SUGCT: variants seen among roughly 807,000 people sequenced by gnomAD.
The protein encoded by SUGCT is succinyl-CoA:glutarate CoA-transferase.
A neutral mutation model predicts 55.0 loss-of-function variants in SUGCT; 41 were observed. That is an observed-to-expected ratio of 0.74 (90% CI 0.58 to 0.97). The LOEUF (loss-of-function observed/expected upper bound fraction) is 0.97, where lower values mean the gene tolerates loss of function less well. Among genes scored for constraint, SUGCT ranks in the 50% least tolerant of loss-of-function variants. The probability of loss-of-function intolerance (pLI) is 0.00; values close to 1 mark genes in which losing one functional copy is unlikely to be tolerated. For synonymous variants in SUGCT, 187 were observed against 200.4 expected (o/e 0.93, Z 0.56); for missense variants, 568 against 547.8 (o/e 1.04, Z -0.37).
chr7:40,882,786 A>T, the SUGCT span, among the ~76,000 whole-genome samples: 4 of 152,340 alleles, frequency 2.6e-5, no homozygotes, highest in South Asian at 8.3e-4. Context: ...AGAGATAAAA[A>T]GTTCATCAGA....
At chr7:40,447,816 A>G (rs1788931285) in intron 9 of SUGCT, among the ~76,000 whole-genome samples, 1 of 152,086 alleles carries the variant, frequency 6.6e-6, no homozygotes, top group Admixed American at 6.6e-5. Flanking sequence ...TAAAGGGAGG[A>G]GGAAGTGAAG....
chr7:40,312,950 T>G (rs1228486072), intron 8 of SUGCT, among the ~76,000 whole-genome samples: 1 of 152,176 alleles, frequency 6.6e-6, no homozygotes, highest in Non-Finnish European at 1.5e-5. Context: ...ATTGTATTAT[T>G]GCAGCTTGAT....
In SUGCT at chr7:40,524,070, C is replaced by T. The variant is rs549806394; in HGVS notation, c.1089+27684C>T. Among the ~76,000 whole-genome samples, 21 of 151,958 alleles carry T rather than the reference C, an allele frequency of 1.4e-4. No homozygotes were observed. The Middle Eastern group carries it at 0.01, about 74-fold the overall frequency. ...TTTCTCTAGGATTTAAGCCTTCTTA[C>T]GTTTATGGTAAGGTTGGCAGTTAAA... On this transcript the variant is annotated intron_variant, in intron 12 of 13. Coordinates refer to ENST00000335693, the MANE Select transcript of SUGCT (RefSeq NM_001193313.2).
chr7:40,524,922 T>C (rs867541379), intron 12 of SUGCT, among the ~76,000 whole-genome samples: 12 of 152,302 alleles, frequency 7.9e-5, no homozygotes, highest in South Asian at 4.1e-4. Context: ...ACTTCACCCC[T>C]ACACTGTGAG....
intron 12 of SUGCT, among the ~76,000 whole-genome samples, chr7:40,652,552 A>T (rs1800825952): frequency 6.6e-6 from 1 of 152,200 alleles, no homozygotes; most frequent in Non-Finnish European, 1.5e-5. Flanking sequence ...TGGTATAGAG[A>T]CAGATGCATC....
In SUGCT at chr7:40,332,443, ATT is replaced by A. The variant is rs57902207; in HGVS notation, c.816+15598_816+15599del. On this transcript the variant is annotated intron_variant, in intron 9 of 13. Coordinates refer to ENST00000335693, the MANE Select transcript of SUGCT (RefSeq NM_001193313.2). ...GTTAGACTTTTGGAATCTGCATTGGATTTTTTTTTTTGTTTTTTTTTTTTTAC... is the reference window on the plus strand; with the variant it reads ...GTTAGACTTTTGGAATCTGCATTGGATTTTTTTTTGTTTTTTTTTTTTTAC... 3.6e-3 allele frequency among the ~76,000 whole-genome samples: 501 copies of A among 139,376 alleles called. 12 individuals are homozygous for A. In the South Asian group the frequency reaches 0.061, roughly 17 times the overall value. 91.4% of individuals were successfully genotyped at this position (139,376 alleles called of 152,430 possible).
At chr7:40,228,745 G>C (rs1328071623) in intron 6 of SUGCT, among the ~76,000 whole-genome samples, 2 of 152,064 alleles carry the variant, frequency 1.3e-5, no homozygotes, top group East Asian at 1.9e-4. Flanking sequence ...TCTCTGATCA[G>C]TTATTTGATT....
chr7:40,383,798 G>T (rs779586692), intron 9 of SUGCT, among the ~76,000 whole-genome samples: 9 of 152,168 alleles, frequency 5.9e-5, no homozygotes, highest in African/African-American at 2.2e-4. Context: ...CAAGAAGTTC[G>T]TCAGGGCATC....
At chr7:40,415,194 C>G (rs1020394887) in intron 9 of SUGCT, among the ~76,000 whole-genome samples, 1 of 144,964 alleles carries the variant, frequency 6.9e-6, no homozygotes. Flanking sequence ...CACTTGAGCC[C>G]GGGAGGCAGA....
intron 8 of SUGCT, 136 bp downstream of exon 8, chr7:40,274,792 T>C (rs1317784431): frequency 4.8e-6 from 4 of 834,402 alleles, no homozygotes; most frequent in Non-Finnish European, 1.9e-6. Context: ...CTGTTTCATT[T>C]TGATGTACTT....
intron 8 of SUGCT, among the ~76,000 whole-genome samples, chr7:40,290,900 A>G (rs1337229515): frequency 6.6e-6 from 1 of 152,246 alleles, no homozygotes; most frequent in East Asian, 1.9e-4. Context: ...AAAACACATG[A>G]AAAAATGCTT....
At chr7:40,451,092 A>G (rs1789166085) in intron 10 of SUGCT, among the ~76,000 whole-genome samples, 1 of 152,196 alleles carries the variant, frequency 6.6e-6, no homozygotes, top group South Asian at 2.1e-4. Context: ...AATGTTAAAA[A>G]TATGAAACAT....
At chr7:40,430,979 G>C (rs1308503478) in intron 9 of SUGCT, among the ~76,000 whole-genome samples, 1 of 151,924 alleles carries the variant, frequency 6.6e-6, no homozygotes, top group Admixed American at 6.6e-5. Flanking sequence ...TTAGCTGGGC[G>C]TGGTGGCACA....
chr7:40,338,151 A>G (rs1180729125), intron 9 of SUGCT, among the ~76,000 whole-genome samples: 2 of 152,224 alleles, frequency 1.3e-5, no homozygotes, highest in East Asian at 1.9e-4. Flanking sequence ...TTTGTGGGTA[A>G]CCCAACCTTT....
intron 12 of SUGCT, among the ~76,000 whole-genome samples, chr7:40,580,121 A>T (rs1263813448): frequency 1.3e-5 from 2 of 152,196 alleles, no homozygotes; most frequent in Admixed American, 1.3e-4. Context: ...TTGTTTTTGC[A>T]ATGCAAAATT....
intron 12 of SUGCT, among the ~76,000 whole-genome samples, chr7:40,578,066 T>G (rs542767450): frequency 4.6e-5 from 7 of 152,322 alleles, no homozygotes; most frequent in African/African-American, 1.7e-4. Flanking sequence ...CTCTAACACA[T>G]TGGTTCTCAA....
chr7:40,516,558 C>T (rs949914096), intron 12 of SUGCT, among the ~76,000 whole-genome samples: 12 of 151,986 alleles, frequency 7.9e-5, no homozygotes, highest in African/African-American at 2.9e-4. Context: ...TTCTTTTGCA[C>T]GTGAGTAACC....
At chr7:40,443,485 A>G (rs1269388810) in intron 9 of SUGCT, among the ~76,000 whole-genome samples, 1 of 152,086 alleles carries the variant, frequency 6.6e-6, no homozygotes, top group Non-Finnish European at 1.5e-5. Context: ...GATGATGAGC[A>G]TTTTTTCATG....
At position 40,227,250 on chromosome 7, in the gene SUGCT, T is replaced by C. The variant is rs139890832; in HGVS notation, c.485-10385T>C. The stretch of plus-strand genomic sequence containing the variant: ...TTTCAGTAGGGATGGGATTTCACCA[T>C]GTTGGCCAGGCTGGTCTGGAACTCC... On this transcript the variant is annotated intron_variant, in intron 6 of 13. Transcript: ENST00000335693. Among the ~76,000 whole-genome samples, 672 of 152,086 alleles carry C rather than the reference T, an allele frequency of 4.4e-3. 7 individuals carry two copies. The highest frequency in any genetic ancestry group is 0.016 in the African/African-American group (645 of 41,496).
Sources: allele counts gnomAD v4.1 joint callset (sites outside exome capture counted in the v4.1 genomes callset), GRCh38; gene constraint gnomAD v4.1.1; transcripts MANE v1.5; gene names NCBI Gene and HGNC (gene_info 2026-07-23, HGNC 2026-07-21).